Variants in TSPAN18 observed in about 807,000 individuals in gnomAD.
TSPAN18 encodes the protein tetraspanin-18.
TSPAN18 carries 14 observed loss-of-function variants against 27.3 expected under a neutral mutation model. That is an observed-to-expected ratio of 0.51 (90% CI 0.34 to 0.80). The LOEUF (loss-of-function observed/expected upper bound fraction) is 0.80, where lower values mean the gene tolerates loss of function less well. TSPAN18 is among the 30% of genes least tolerant of loss of function. The pLI is 0.01. For missense variants in TSPAN18, 268 were observed against 323.9 expected (o/e 0.83, Z 1.32); for synonymous variants, 143 against 136.5 (o/e 1.05, Z -0.33).
At chr11:44,843,513 T>C (rs1186492070) in intron 2 of TSPAN18, among the ~76,000 whole-genome samples, 2 of 152,220 alleles carry the variant, frequency 1.3e-5, no homozygotes, top group African/African-American at 2.4e-5. Flanking sequence ...TTGTCATTGA[T>C]ACCATCTTAT....
intron 2 of TSPAN18, among the ~76,000 whole-genome samples, chr11:44,850,470 G>A (rs912774482): frequency 3.3e-5 from 5 of 152,126 alleles, no homozygotes; most frequent in South Asian, 2.1e-4. Context: ...CCTGCTGGCC[G>A]GAGGATGGCA....
chr11:44,861,778 C>A (rs894903814), intron 3 of TSPAN18, among the ~76,000 whole-genome samples: 1 of 136,926 alleles, frequency 7.3e-6, no homozygotes, highest in Non-Finnish European at 1.5e-5. Flanking sequence ...AATCTAGTAT[C>A]TGAAAGCCCA....
intron 2 of TSPAN18, among the ~76,000 whole-genome samples, chr11:44,808,270 C>T (rs968227178): frequency 1.3e-5 from 2 of 152,126 alleles, no homozygotes; most frequent in Non-Finnish European, 2.9e-5. Context: ...AGAGGTGGTG[C>T]GAGGATTGGA....
intron 2 of TSPAN18, among the ~76,000 whole-genome samples, chr11:44,844,604 A>G (rs775986019): frequency 3.0e-4 from 45 of 152,288 alleles, no homozygotes; most frequent in Admixed American, 4.6e-4. Context: ...GCACCTTTCT[A>G]TATGCTTATC....
intron 3 of TSPAN18, among the ~76,000 whole-genome samples, chr11:44,880,655 A>T (rs1858465374): frequency 6.6e-6 from 1 of 152,238 alleles, no homozygotes; most frequent in African/African-American, 2.4e-5. Flanking sequence ...ATATTGCCAA[A>T]GACCTTCAGA....
intron 1 of TSPAN18, among the ~76,000 whole-genome samples, chr11:44,759,707 C>G (rs1855407383): frequency 6.6e-6 from 1 of 152,194 alleles, no homozygotes; most frequent in African/African-American, 2.4e-5. Context: ...CCATCCATTT[C>G]TCCTAGCAAC....
chr11:44,789,740 A>G (rs182641991), intron 2 of TSPAN18, among the ~76,000 whole-genome samples: 1 of 152,186 alleles, frequency 6.6e-6, no homozygotes. Context: ...TCAGTAGGAA[A>G]TGACTCTTTA....
chr11:44,834,112 G>C (rs9666712), intron 2 of TSPAN18, among the ~76,000 whole-genome samples: 17,653 of 151,932 alleles, frequency 0.12, 1,087 homozygotes, highest in Middle Eastern at 0.19. Context: ...AGATTGCTGA[G>C]GCCAGGAGCA....
chr11:44,766,566 G>GCCT (rs749090607), intron 2 of TSPAN18, among the ~76,000 whole-genome samples: 1 of 152,156 alleles, frequency 6.6e-6, no homozygotes, highest in East Asian at 1.9e-4. Context: ...TGGGCCTCAA[G>GCCT]CCTCGGTGTA....
chr11:44,929,301 C>CCT lies in TSPAN18; in HGVS notation c.*124_*125insTC. 1 of 1,217,142 alleles carries CCT rather than the reference C, an allele frequency of 8.2e-7. No individual in the cohort carries two copies. Among genetic ancestry groups the CCT allele is most frequent in the Non-Finnish European group, 1.2e-6 (1 of 849,794 alleles). The allele number at this position is 1,217,142 out of a possible 1,614,324, so 75.4% of individuals were successfully genotyped here. Reference sequence around the variant, plus strand: ...GAGAAGATGAGGCCATCAGAGATGGCCAGGAGAAGGGCCAGGGGAATAGAG... The same window carrying CCT: ...GAGAAGATGAGGCCATCAGAGATGGCCTCAGGAGAAGGGCCAGGGGAATAGAG... On this transcript the variant is annotated 3_prime_UTR_variant, in exon 10 of 10. Transcript: ENST00000520358.
intron 2 of TSPAN18, among the ~76,000 whole-genome samples, chr11:44,835,044 G>A (rs1229580274): frequency 6.6e-6 from 1 of 152,192 alleles, no homozygotes; most frequent in Non-Finnish European, 1.5e-5. Context: ...GGGCCACCCT[G>A]AGGGTGGGGG....
chr11:44,874,425 G>A (rs1009288560), intron 3 of TSPAN18, among the ~76,000 whole-genome samples: 2 of 152,180 alleles, frequency 1.3e-5, no homozygotes, highest in Admixed American at 6.5e-5. Context: ...CCAGGCACTC[G>A]ATGTCATTTA....
chr11:44,897,871 G>A, intron 3 of TSPAN18: 1 of 1,289,020 alleles, frequency 7.8e-7, no homozygotes, highest in East Asian at 5.5e-5. Context: ...GTGTACCTCT[G>A]CCCCATCACC....
intron 3 of TSPAN18, among the ~76,000 whole-genome samples, chr11:44,883,025 G>A (rs1858539758): frequency 6.6e-6 from 1 of 152,178 alleles, no homozygotes; most frequent in South Asian, 2.1e-4. Flanking sequence ...GCATGAGTGT[G>A]CCCGACTGTA....
chr11:44,767,142 G>C (rs1307480586), intron 2 of TSPAN18, among the ~76,000 whole-genome samples: 3 of 152,196 alleles, frequency 2.0e-5, no homozygotes, highest in Non-Finnish European at 2.9e-5. Flanking sequence ...AAAGGGCTGT[G>C]AGAGGGACCT....
intron 1 of TSPAN18, among the ~76,000 whole-genome samples, chr11:44,742,677 CAG>C (rs77492425): frequency 0.044 from 6,677 of 152,300 alleles, 338 homozygotes; most frequent in African/African-American, 0.11. Context: ...GTTGAGGACA[CAG>C]AGTGTTTCTG....
chr11:44,908,026 G>C (rs1859519104), intron 4 of TSPAN18, among the ~76,000 whole-genome samples: 1 of 147,504 alleles, frequency 6.8e-6, no homozygotes, highest in African/African-American at 2.5e-5. Context: ...CTGCACTCCA[G>C]CCTGGGCAAC....
chr11:44,890,552 T>A (rs939432828), intron 3 of TSPAN18, among the ~76,000 whole-genome samples: 2 of 152,010 alleles, frequency 1.3e-5, no homozygotes, highest in Non-Finnish European at 2.9e-5. Context: ...TGAAACCCTG[T>A]CTCTGCTAAA....
intron 2 of TSPAN18, among the ~76,000 whole-genome samples, chr11:44,783,043 G>T (rs1855975381): frequency 6.6e-6 from 1 of 152,126 alleles, no homozygotes; most frequent in South Asian, 2.1e-4. Flanking sequence ...TGGCCAGGCT[G>T]GTCTCGAACT....
Sources: gnomAD v4.1 joint callset for allele counts (sites outside exome capture counted in the v4.1 genomes callset) on GRCh38, gnomAD v4.1.1 for gene constraint, MANE v1.5 for transcripts, NCBI Gene and HGNC (gene_info 2026-07-23, HGNC 2026-07-21) for gene names.